Variants in LRP1B observed in about 807,000 individuals in gnomAD.
The protein encoded by LRP1B is LDL receptor related protein 1B, also known as low-density lipoprotein receptor-related protein 1B.
LRP1B carries 217 observed loss-of-function variants against 556.6 expected under a neutral mutation model. The ratio of observed to expected loss-of-function variants is 0.39; its 90% CI spans 0.35 to 0.44. The LOEUF is 0.44. Among genes scored for constraint, LRP1B ranks in the 20% least tolerant of loss-of-function variants. The probability of loss-of-function intolerance (pLI) is 1.00; values close to 1 mark genes in which losing one functional copy is unlikely to be tolerated. For missense variants in LRP1B, 5,053 were observed against 5,620.8 expected, an observed-to-expected ratio of 0.90 and a Z score of 3.23; for synonymous variants, 2,047 against 1,865.8, an observed-to-expected ratio of 1.10 and a Z score of -2.50.
intron 1 of LRP1B, among the ~76,000 whole-genome samples, chr2:142,006,073 C>A (rs1313472079): frequency 6.6e-6 from 1 of 152,034 alleles, no homozygotes; most frequent in Non-Finnish European, 1.5e-5. Flanking sequence ...TATTTGTTTT[C>A]TTTCCCTTCT....
chr2:141,636,079 A>T (rs1689100106), intron 2 of LRP1B, among the ~76,000 whole-genome samples: 1 of 152,232 alleles, frequency 6.6e-6, no homozygotes, highest in African/African-American at 2.4e-5. Flanking sequence ...CTATTTATTG[A>T]GACTATTCTG....
At chr2:141,620,180 T>C (rs1688452071) in intron 2 of LRP1B, among the ~76,000 whole-genome samples, 1 of 152,210 alleles carries the variant, frequency 6.6e-6, no homozygotes, top group Non-Finnish European at 1.5e-5. Context: ...TTTGAACTCA[T>C]GGCCTCAAGC....
Position 140,502,018 on chromosome 2 carries a change from T to C in LRP1B, c.8663-144A>G, listed in dbSNP as rs547175499. ...TATAAAATCTTTTACATATTCAGTA[T>C]AATATCTTACACCTAAAGTTCAGAA... On this transcript the variant is annotated intron_variant, in intron 54 of 90. Coordinates refer to ENST00000389484, the MANE Select transcript of LRP1B (RefSeq NM_018557.3). 5.1e-4 allele frequency: 291 copies of C among 569,720 alleles called. 12 individuals are homozygous for C. In the South Asian group the frequency reaches 0.011, roughly 21 times the overall value. The allele number at this position is 569,720 out of a possible 1,614,324, so 35.3% of individuals were successfully genotyped here. A position where few individuals can be genotyped will look rare whatever the true frequency, so the allele number is the denominator to read the frequency against.
chr2:142,107,779 C>G (rs1195869592), intron 1 of LRP1B, among the ~76,000 whole-genome samples: 1 of 149,564 alleles, frequency 6.7e-6, no homozygotes, highest in Non-Finnish European at 1.5e-5. Context: ...AGGCACCCAC[C>G]ACCACGCCTA....
chr2:141,332,552 A>G (rs894075654), intron 3 of LRP1B, among the ~76,000 whole-genome samples: 5 of 152,000 alleles, frequency 3.3e-5, no homozygotes, highest in African/African-American at 1.2e-4. Context: ...TTTTCAGCTA[A>G]TATCTGTGTT....
At chr2:141,812,602 G>A (rs72848491) in intron 1 of LRP1B, among the ~76,000 whole-genome samples, 19 of 152,218 alleles carry the variant, frequency 1.2e-4, no homozygotes, top group Non-Finnish European at 2.5e-4. Flanking sequence ...TGTTGGAATA[G>A]AGCATCTTAA....
chr2:140,875,898 T>C (rs905699608), intron 25 of LRP1B, among the ~76,000 whole-genome samples: 119 of 152,312 alleles, frequency 7.8e-4, no homozygotes, highest in Non-Finnish European at 1.0e-4. Flanking sequence ...TATTAAATTA[T>C]TGTGTGCCAC....
intron 66 of LRP1B, among the ~76,000 whole-genome samples, chr2:140,394,820 A>T: frequency 6.6e-6 from 1 of 152,266 alleles, no homozygotes; most frequent in Middle Eastern, 3.4e-3. Flanking sequence ...ATGCCTATAG[A>T]TTTTGAAAGA....
At chr2:141,153,271 T>A (rs1469068864) in intron 7 of LRP1B, among the ~76,000 whole-genome samples, 1 of 130,606 alleles carries the variant, frequency 7.7e-6, no homozygotes, top group Non-Finnish European at 1.6e-5. Flanking sequence ...TTTATAATAA[T>A]ATATATAAGC....
chr2:141,645,608 T>C (rs989235863), intron 2 of LRP1B, among the ~76,000 whole-genome samples: 2 of 151,010 alleles, frequency 1.3e-5, no homozygotes, highest in African/African-American at 4.9e-5. Context: ...GAACCAAACA[T>C]TTAATCCTAG....
At chr2:140,745,223 C>T (rs942357255) in intron 35 of LRP1B, among the ~76,000 whole-genome samples, 3 of 151,930 alleles carry the variant, frequency 2.0e-5, no homozygotes, top group Admixed American at 6.6e-5. Context: ...TAAAAGAAGG[C>T]TGAAACATAA....
chr2:141,143,626 A>C (rs1366540080), intron 7 of LRP1B, among the ~76,000 whole-genome samples: 2 of 152,124 alleles, frequency 1.3e-5, no homozygotes, highest in Non-Finnish European at 2.9e-5. Flanking sequence ...GTTTCTAAGC[A>C]AGTGTCCTGA....
At chr2:141,922,475 T>C (rs980352361) in intron 1 of LRP1B, among the ~76,000 whole-genome samples, 3 of 152,230 alleles carry the variant, frequency 2.0e-5, no homozygotes, top group African/African-American at 7.2e-5. Context: ...TCACAATCTA[T>C]ATTACCATTC....
At chr2:141,909,936 A>T (rs189625780) in intron 1 of LRP1B, among the ~76,000 whole-genome samples, 22 of 152,132 alleles carry the variant, frequency 1.4e-4, no homozygotes, top group Non-Finnish European at 2.5e-4. Flanking sequence ...TGAGGTTTTT[A>T]ATTTTAACTA....
At chr2:141,347,319 T>A (rs1486180174) in intron 3 of LRP1B, among the ~76,000 whole-genome samples, 3 of 151,924 alleles carry the variant, frequency 2.0e-5, no homozygotes, top group East Asian at 3.9e-4. Context: ...ACAAAAAAAA[T>A]CAATAGAAAT....
intron 35 of LRP1B, among the ~76,000 whole-genome samples, chr2:140,720,508 A>G (rs2105473012): frequency 6.6e-6 from 1 of 152,220 alleles, no homozygotes; most frequent in Admixed American, 6.5e-5. Context: ...ATATATTGCT[A>G]CAATGATATT....
At chr2:141,607,977 C>A (rs961678903) in intron 2 of LRP1B, among the ~76,000 whole-genome samples, 3 of 152,040 alleles carry the variant, frequency 2.0e-5, no homozygotes, top group Non-Finnish European at 2.9e-5. Context: ...GTAATTCCAG[C>A]ACTTTGGGAG....
At chr2:140,878,469 A>G (rs1246944432) in intron 25 of LRP1B, among the ~76,000 whole-genome samples, 3 of 152,300 alleles carry the variant, frequency 2.0e-5, no homozygotes, top group East Asian at 3.9e-4. Flanking sequence ...TATAAAGCTG[A>G]TAGGCTATTT....
chr2:141,392,659 G>C (rs1237531376), intron 3 of LRP1B, among the ~76,000 whole-genome samples: 2 of 152,068 alleles, frequency 1.3e-5, no homozygotes, highest in African/African-American at 4.8e-5. Context: ...CCAAAATGGG[G>C]ATTTATTTTG....
Sources: gnomAD v4.1 joint callset for allele counts (sites outside exome capture counted in the v4.1 genomes callset) on GRCh38, gnomAD v4.1.1 for gene constraint, MANE v1.5 for transcripts, NCBI Gene and HGNC (gene_info 2026-07-23, HGNC 2026-07-21) for gene names.